Variants in UNC5D observed in about 807,000 individuals in gnomAD.
UNC5D encodes unc-5 netrin receptor D.
A neutral mutation model predicts 105.4 loss-of-function variants in UNC5D; 39 were observed. That is an observed-to-expected ratio of 0.37 (90% CI 0.29 to 0.48). UNC5D has a LOEUF of 0.48. UNC5D is among the 20% of genes least tolerant of loss of function. UNC5D has a pLI of 0.98. For missense variants in UNC5D, 991 were observed against 1,202.4 expected (o/e 0.82, Z 2.60); for synonymous variants, 452 against 450.4 (o/e 1.00, Z -0.04).
At chr8:35,708,660 C>T (rs1313451923) in intron 8 of UNC5D, among the ~76,000 whole-genome samples, 1 of 152,130 alleles carries the variant, frequency 6.6e-6, no homozygotes, top group Non-Finnish European at 1.5e-5. Context: ...TGAGTAGCAG[C>T]TGGTTTGGTA....
intron 1 of UNC5D, among the ~76,000 whole-genome samples, chr8:35,273,538 G>C (rs1016198931): frequency 6.6e-6 from 1 of 152,164 alleles, no homozygotes; most frequent in African/African-American, 2.4e-5. Flanking sequence ...AATCTGAATT[G>C]TGGTGGGAAA....
At chr8:35,754,916 G>A (rs1321552951) in intron 13 of UNC5D, among the ~76,000 whole-genome samples, 2 of 152,120 alleles carry the variant, frequency 1.3e-5, no homozygotes, top group Non-Finnish European at 2.9e-5. Context: ...AATCTGCTAT[G>A]TTTTTCAAAA....
Position 35,538,395 on chromosome 8 carries a change from TTATATATATATATATATATATATA to T in UNC5D, c.104-10875_104-10852del, listed in dbSNP as rs10524805. On this transcript the variant is annotated intron_variant, in intron 1 of 16. Coordinates refer to ENST00000404895, the MANE Select transcript of UNC5D (RefSeq NM_080872.4). The stretch of plus-strand genomic sequence containing the variant: ...TCAGTCGTGATTTAAAAAAAAATAA[TTATATATATATATATATATATATA>T]TATATATATATATATATATATGAAT... 3.4e-3 allele frequency among the ~76,000 whole-genome samples: 283 copies of T among 82,438 alleles called. 4 individuals carry two copies. The highest frequency in any genetic ancestry group is 0.031 in the Middle Eastern group (3 of 96). 54.1% of individuals were successfully genotyped at this position (82,438 alleles called of 152,430 possible).
In UNC5D at chr8:35,679,730, A is replaced by T. The variant is rs141527566; in HGVS notation, c.571-3817A>T. Among the ~76,000 whole-genome samples, 105 of 152,244 alleles carry T rather than the reference A, an allele frequency of 6.9e-4. No homozygotes were observed. In the Middle Eastern group the frequency reaches 0.01, roughly 15 times the overall value. On this transcript the variant is annotated intron_variant, in intron 4 of 16. Transcript: ENST00000404895. ...CACAGACAGACCAGTTGGTGAAGAA[A>T]CCACTGCCAAAGTCCTAGAAAGAAG...
chr8:35,595,051 A>G (rs1271205689), intron 3 of UNC5D, among the ~76,000 whole-genome samples: 3 of 152,248 alleles, frequency 2.0e-5, no homozygotes, highest in Non-Finnish European at 4.4e-5. Flanking sequence ...CTCCCTGGTT[A>G]CAAATAAAAA....
chr8:35,619,813 C>T (rs1351484019), intron 4 of UNC5D, among the ~76,000 whole-genome samples: 1 of 152,198 alleles, frequency 6.6e-6, no homozygotes, highest in Non-Finnish European at 1.5e-5. Flanking sequence ...CCCCGGACTC[C>T]TTATCTTTAG....
At chr8:35,438,580 C>T (rs1807183884) in intron 1 of UNC5D, among the ~76,000 whole-genome samples, 1 of 151,692 alleles carries the variant, frequency 6.6e-6, no homozygotes, top group African/African-American at 2.4e-5. Flanking sequence ...TCAAGGATCA[C>T]CTTATTTGTG....
chr8:35,771,885 T>C (rs1264265771), intron 15 of UNC5D, among the ~76,000 whole-genome samples: 1 of 152,180 alleles, frequency 6.6e-6, no homozygotes, highest in African/African-American at 2.4e-5. Context: ...GGGTGAATTT[T>C]TCCGGGTTTC....
intron 1 of UNC5D, among the ~76,000 whole-genome samples, chr8:35,377,597 G>T (rs1487315856): frequency 6.6e-6 from 1 of 152,166 alleles, no homozygotes; most frequent in Non-Finnish European, 1.5e-5. Context: ...GGACTGCAGG[G>T]ACAGCTTGAG....
chr8:35,796,428 GCAAAAAA>G lies in UNC5D; in HGVS notation c.*5866_*5872del, dbSNP rs1803258366. On this transcript the variant is annotated 3_prime_UTR_variant, in exon 17 of 17. Transcript: ENST00000404895. Reference sequence around the variant, plus strand: ...GGTTTGGATGTTTTATGTCGAGTTTGCAAAAAAAAAAAAAAAAAAAAAAACTGGATGG... The same window carrying G: ...GGTTTGGATGTTTTATGTCGAGTTTGAAAAAAAAAAAAAAAAACTGGATGG... The G allele has an allele frequency of 1.9e-5, 1 of 53,002 alleles. No homozygotes were observed. Among genetic ancestry groups the G allele is most frequent in the Non-Finnish European group, 3.0e-5 (1 of 33,494 alleles). The allele number at this position is 53,002 out of a possible 1,614,324, so 3.3% of individuals were successfully genotyped here.
intron 1 of UNC5D, among the ~76,000 whole-genome samples, chr8:35,398,070 C>G (rs1311548117): frequency 6.6e-6 from 1 of 152,202 alleles, no homozygotes; most frequent in African/African-American, 2.4e-5. Context: ...CATAGGAACA[C>G]TGTTACCTCT....
At chr8:35,693,537 CT>C (rs1309449292) in intron 7 of UNC5D, among the ~76,000 whole-genome samples, 8 of 152,076 alleles carry the variant, frequency 5.3e-5, no homozygotes, top group Non-Finnish European at 1.2e-4. Context: ...CTTCAGATGC[CT>C]TTTGTCATCC....
intron 1 of UNC5D, among the ~76,000 whole-genome samples, chr8:35,289,612 T>C (rs886979111): frequency 1.8e-4 from 27 of 152,152 alleles, no homozygotes; most frequent in Non-Finnish European, 3.2e-4. Flanking sequence ...ACAAAACAAA[T>C]CTTAACAAAT....
intron 2 of UNC5D, among the ~76,000 whole-genome samples, chr8:35,556,364 G>A (rs1477719810): frequency 6.6e-6 from 1 of 152,098 alleles, no homozygotes; most frequent in Non-Finnish European, 1.5e-5. Context: ...ATGCGATTCA[G>A]TCATTCAGGT....
intron 1 of UNC5D, among the ~76,000 whole-genome samples, chr8:35,494,372 C>T (rs1374576594): frequency 2.6e-5 from 4 of 152,082 alleles, no homozygotes; most frequent in Admixed American, 1.3e-4. Context: ...ATTTTATTTA[C>T]ATATTAGGAT....
At chr8:35,457,115 G>T (rs992640368) in intron 1 of UNC5D, among the ~76,000 whole-genome samples, 1 of 152,138 alleles carries the variant, frequency 6.6e-6, no homozygotes, top group Non-Finnish European at 1.5e-5. Context: ...AATTAGGGTT[G>T]ATTTGAAAAT....
At chr8:35,752,270 G>C (rs948049395) in intron 13 of UNC5D, among the ~76,000 whole-genome samples, 1 of 152,130 alleles carries the variant, frequency 6.6e-6, no homozygotes, top group African/African-American at 2.4e-5. Context: ...AAATAGCATA[G>C]CTCTCCTGAC....
At chr8:35,455,426 A>ACAACAC (rs1808422388) in intron 1 of UNC5D, among the ~76,000 whole-genome samples, 1 of 151,754 alleles carries the variant, frequency 6.6e-6, no homozygotes, top group East Asian at 2.0e-4. Context: ...TTACAGGCAA[A>ACAACAC]CAACACCACG....
chr8:35,327,289 C>T (rs1209506926), intron 1 of UNC5D, among the ~76,000 whole-genome samples: 1 of 152,176 alleles, frequency 6.6e-6, no homozygotes, highest in Non-Finnish European at 1.5e-5. Context: ...TTTACATGGA[C>T]TAAATGGCCT....
Sources: gnomAD v4.1 joint callset for allele counts (sites outside exome capture counted in the v4.1 genomes callset) on GRCh38, gnomAD v4.1.1 for gene constraint, MANE v1.5 for transcripts, NCBI Gene and HGNC (gene_info 2026-07-23, HGNC 2026-07-21) for gene names.